PTPRM: variants seen among roughly 807,000 people sequenced by gnomAD.
PTPRM encodes the protein receptor-type tyrosine-protein phosphatase mu.
PTPRM carries 47 observed loss-of-function variants against 186.7 expected under a neutral mutation model. The ratio of observed to expected loss-of-function variants is 0.25; its 90% confidence interval spans 0.20 to 0.32. The LOEUF is 0.32. PTPRM is among the 10% of genes least tolerant of loss of function. The pLI, the probability that PTPRM is intolerant of heterozygous loss-of-function variation, is 1.00. For synonymous variants in PTPRM, 668 were observed against 674.9 expected, an observed-to-expected ratio of 0.99 and a Z score of 0.16; for missense variants, 1,494 against 1,865.0, an observed-to-expected ratio of 0.80 and a Z score of 3.66.
intron 5 of PTPRM, among the ~76,000 whole-genome samples, chr18:7,942,839 C>G (rs1378239421): frequency 6.6e-6 from 1 of 151,996 alleles, no homozygotes; most frequent in African/African-American, 2.4e-5. Context: ...TGAGGACATC[C>G]CCTCATTTCT....
At chr18:8,159,450 T>C (rs926009492) in intron 14 of PTPRM, among the ~76,000 whole-genome samples, 1 of 152,102 alleles carries the variant, frequency 6.6e-6, no homozygotes, top group Non-Finnish European at 1.5e-5. Context: ...AATCCCAACA[T>C]ACTATTTCTT....
chr18:7,598,054 T>TA (rs1303403879), intron 1 of PTPRM, among the ~76,000 whole-genome samples: 3 of 152,190 alleles, frequency 2.0e-5, no homozygotes, highest in Non-Finnish European at 4.4e-5. Context: ...TTGAAATTAG[T>TA]GGGGTTTAGG....
chr18:7,615,322 T>C (rs1290019817), intron 1 of PTPRM, among the ~76,000 whole-genome samples: 2 of 152,216 alleles, frequency 1.3e-5, no homozygotes, highest in Admixed American at 6.5e-5. Flanking sequence ...ATTCTCTTTT[T>C]TTCAAGGATC....
intron 14 of PTPRM, among the ~76,000 whole-genome samples, chr18:8,165,831 C>A (rs1164411809): frequency 1.3e-5 from 2 of 152,184 alleles, no homozygotes; most frequent in Admixed American, 6.5e-5. Flanking sequence ...CAGCTCCCCA[C>A]GTGCAGAATT....
rs2095760156 is a variant in PTPRM at position 8,384,650 on chromosome 18, C to A, written c.4008C>A (p.Ile1336=). 2.5e-6 allele frequency: 4 copies of A among 1,614,150 alleles called. No homozygotes were observed. Among genetic ancestry groups the A allele is most frequent in the Non-Finnish European group, 3.4e-6 (4 of 1,180,010 alleles). Residue 1336 remains isoleucine (I), a synonymous_variant, in exon 30 of 33, where the codon ATC becomes ATA. Transcript: ENST00000580170. ...TCTCTGCTGACCTGGAAGAGGACAT[C>A]ATCAGCAGGATATTCCGCATTTACA... ...EFVSADLEED[I]ISRIFRIYNA... is the part of the protein sequence containing the mutation.
chr18:7,846,798 C>A (rs2046619745), intron 2 of PTPRM, among the ~76,000 whole-genome samples: 1 of 152,168 alleles, frequency 6.6e-6, no homozygotes, highest in Admixed American at 6.5e-5. Flanking sequence ...CTCAGCTATT[C>A]TGAGTAGTTA....
rs112912259 is a variant in PTPRM, at chr18:8,038,560, T to A, written c.1133-31126T>A. On this transcript the variant is annotated intron_variant, in intron 7 of 32. Transcript: ENST00000580170. ...GCGTGTACCGCCATGCCTGGCTAAT[T>A]TTTGTATTTTTAGTAGAGACGGGGT... 9.3e-3 allele frequency among the ~76,000 whole-genome samples: 1,422 copies of A among 152,110 alleles called. 24 individuals carry two copies. The highest frequency in any genetic ancestry group is 0.033 in the African/African-American group (1,369 of 41,486).
At chr18:8,151,955 C>T (rs552024826) in intron 14 of PTPRM, among the ~76,000 whole-genome samples, 3 of 152,070 alleles carry the variant, frequency 2.0e-5, no homozygotes, top group Non-Finnish European at 4.4e-5. Context: ...GACACCCCAC[C>T]CTGCTTCGGC....
chr18:8,121,537 A>C (rs994241313), intron 13 of PTPRM, among the ~76,000 whole-genome samples: 28 of 152,228 alleles, frequency 1.8e-4, no homozygotes, highest in Non-Finnish European at 3.5e-4. Context: ...GGTCTGCTTC[A>C]AGACTCTTAA....
At chr18:8,211,272 G>A (rs1041589231) in intron 14 of PTPRM, among the ~76,000 whole-genome samples, 14 of 151,904 alleles carry the variant, frequency 9.2e-5, no homozygotes, top group Non-Finnish European at 1.8e-4. Context: ...GAAATGTGGG[G>A]CATGGGGGAG....
intron 1 of PTPRM, among the ~76,000 whole-genome samples, chr18:7,694,458 G>C (rs1201911276): frequency 1.4e-5 from 2 of 138,874 alleles, no homozygotes; most frequent in Non-Finnish European, 3.0e-5. Context: ...ACAGAGTCTC[G>C]CTCTGTTGCC....
rs188655425 is a variant in PTPRM, at chr18:7,709,418, G to A, written c.74-64731G>A. 3.8e-3 allele frequency among the ~76,000 whole-genome samples: 580 copies of A among 152,198 alleles called. 8 individuals carry two copies. The highest frequency in any genetic ancestry group is 0.014 in the African/African-American group (563 of 41,542). The stretch of plus-strand genomic sequence containing the variant: ...GGATACAGCAAAAGCGGTGCTAAGA[G>A]GAAAGTTCATAGCATTAAATGTCTA... On this transcript the variant is annotated intron_variant, in intron 1 of 32. Transcript: ENST00000580170.
chr18:7,588,161 T>G (rs1343916489), intron 1 of PTPRM, among the ~76,000 whole-genome samples: 2 of 152,184 alleles, frequency 1.3e-5, no homozygotes, highest in Admixed American at 1.3e-4. Flanking sequence ...ACATGCTATT[T>G]TTCTGGTAAA....
chr18:7,782,123 A>G (rs2042886004), intron 2 of PTPRM, among the ~76,000 whole-genome samples: 1 of 152,202 alleles, frequency 6.6e-6, no homozygotes, highest in East Asian at 1.9e-4. Flanking sequence ...ATGATTATGA[A>G]AAAACAAACC....
chr18:7,931,969 C>T (rs2051513435), intron 5 of PTPRM, among the ~76,000 whole-genome samples: 1 of 152,178 alleles, frequency 6.6e-6, no homozygotes. Flanking sequence ...GCATGGGGGC[C>T]ACTGCCTTTC....
chr18:8,252,554 T>C (rs1412273191), intron 18 of PTPRM, 55 bp downstream of exon 18: 3 of 1,506,176 alleles, frequency 2.0e-6, no homozygotes, highest in African/African-American at 2.8e-5. Flanking sequence ...GGAGTGTGTG[T>C]CTTACTGGTA....
intron 14 of PTPRM, among the ~76,000 whole-genome samples, chr18:8,157,184 C>T (rs1054808687): frequency 2.0e-5 from 3 of 152,130 alleles, no homozygotes; most frequent in African/African-American, 7.2e-5. Flanking sequence ...CTCAGTTTCC[C>T]CAGCTATTCC....
intron 1 of PTPRM, among the ~76,000 whole-genome samples, chr18:7,632,413 A>C (rs1414217076): frequency 6.6e-6 from 1 of 152,218 alleles, no homozygotes; most frequent in Non-Finnish European, 1.5e-5. Context: ...ACTTGCGTTT[A>C]ATTCCACAGT....
In PTPRM at chr18:7,671,783, C is replaced by A. The variant is rs954757496; in HGVS notation, c.74-102366C>A. On this transcript the variant is annotated intron_variant, in intron 1 of 32. Transcript: ENST00000580170. ...AATTAAAAAAATAAGCAAATAAAATCTTTAAACATAAATGGAGATAAGATT... is the reference window on the plus strand; with the variant it reads ...AATTAAAAAAATAAGCAAATAAAATATTTAAACATAAATGGAGATAAGATT... Among the ~76,000 whole-genome samples, 6 of 152,098 alleles carry A rather than the reference C, an allele frequency of 3.9e-5. No homozygotes were observed. In the East Asian group the frequency reaches 9.6e-4, roughly 24 times the overall value.
Sources: allele counts gnomAD v4.1 joint callset (sites outside exome capture counted in the v4.1 genomes callset), GRCh38; gene constraint gnomAD v4.1.1; transcripts MANE v1.5; gene names NCBI Gene and HGNC (gene_info 2026-07-23, HGNC 2026-07-21).